The following VWF variants were observed in gnomAD, a reference collection of about 807,000 sequenced individuals.
VWF encodes the protein Factor VIII related antigen.
Under a neutral mutation model 308.6 loss-of-function variants are expected in VWF, and 176 were observed. The ratio of observed to expected loss-of-function variants is 0.57; its 90% confidence interval spans 0.50 to 0.65. The LOEUF is 0.65. Among genes scored for constraint, VWF ranks in the 30% least tolerant of loss-of-function variants. VWF has a pLI of 0.00. For synonymous variants in VWF, 1,385 were observed against 1,443.4 expected, an observed-to-expected ratio of 0.96 and a Z score of 0.92; for missense variants, 3,146 against 3,648.2, an observed-to-expected ratio of 0.86 and a Z score of 3.55.
At chr12:6,013,769 C>T (rs1944024075) in intron 31 of VWF, 124 bp from the exon 32 acceptor site, 1 of 1,092,362 alleles carries the variant, frequency 9.2e-7, no homozygotes, top group Non-Finnish European at 1.4e-6. Flanking sequence ...ATACATCAGC[C>T]CTATGAGGAA....
At chr12:6,051,313 A>T (rs1353951701) in intron 16 of VWF, among the ~76,000 whole-genome samples, 5 of 115,528 alleles carry the variant, frequency 4.3e-5, no homozygotes, top group African/African-American at 1.9e-4. Context: ...TTTTTTTGAG[A>T]TAGAGTCTCG....
Position 5,979,184 on chromosome 12 carries a change from A to C in VWF, c.7287+2602T>G, listed in dbSNP as rs536723567. On this transcript the variant is annotated intron_variant, in intron 42 of 51. Transcript: ENST00000261405. ...ATGAAAACTGGAAAAGAAAAAATCAAGCACTTATTCTACTTTGTCTAAAGT... is the reference window on the plus strand; with the variant it reads ...ATGAAAACTGGAAAAGAAAAAATCACGCACTTATTCTACTTTGTCTAAAGT... Among the ~76,000 whole-genome samples, 3 of 152,374 alleles carry C rather than the reference A, an allele frequency of 2.0e-5. No homozygotes were observed. In the South Asian group the frequency reaches 6.2e-4, roughly 32 times the overall value.
In VWF at chr12:6,025,910, CTGG is replaced by C. The variant is rs368366214; in HGVS notation, c.3101_3103del (p.Thr1034del). 1,458 of 1,613,986 alleles carry C rather than the reference CTGG, an allele frequency of 9.0e-4. 7 individuals are homozygous for C. In the African/African-American group the frequency reaches 0.015, roughly 17 times the overall value. Reference sequence around the variant, plus strand: ...CACACAGAGACCCAGACGTACTTTTCTGGTGTCAGCACACTGCGAGCTCACTTT... The same window carrying C: ...CACACAGAGACCCAGACGTACTTTTCTGTCAGCACACTGCGAGCTCACTTT... On this transcript the variant is annotated inframe_deletion, in exon 23 of 52. Transcript: ENST00000261405.
Position 6,019,721 on chromosome 12 carries a change from T to C in VWF, c.3697A>G (p.Thr1233Ala), listed in dbSNP as rs1327728460. 1 of 1,613,220 alleles carries C rather than the reference T, an allele frequency of 6.2e-7. No homozygotes were observed. Among genetic ancestry groups the C allele is most frequent in the South Asian group, 1.1e-5 (1 of 90,996 alleles). ...CCCGGCTCCTGGCAGGCTTCACAGG[T>C]GAGGTTGACAACATCACAGTGGCTG... Reference protein sequence around the residue: ...QICHCDVVNLTCEACQEPGGL... With the variant: ...QICHCDVVNLACEACQEPGGL... Residue 1233 changes from threonine (T) to alanine (A), a missense_variant, in exon 28 of 52, where the codon ACC (threonine) becomes GCC (alanine). Thr to Ala is a moderately conservative substitution (Grantham distance 58). Transcript: ENST00000261405. The surrounding 1 kb of genome is among the most constrained non-coding windows in gnomAD (Gnocchi z 5.8).
At chr12:5,972,552 A>G (rs1943488542) in intron 43 of VWF, among the ~76,000 whole-genome samples, 1 of 152,238 alleles carries the variant, frequency 6.6e-6, no homozygotes, top group South Asian at 2.1e-4. Context: ...CTGCTCCCCA[A>G]GCACTCTCCC....
intron 47 of VWF, among the ~76,000 whole-genome samples, chr12:5,966,276 T>TACACACAC (rs10657127): frequency 2.0e-5 from 3 of 151,026 alleles, no homozygotes; most frequent in African/African-American, 7.3e-5. Context: ...TGTTACACAA[T>TACACACAC]ACACACACAC....
At chr12:6,033,511 G>A (rs1944295701) in intron 20 of VWF, among the ~76,000 whole-genome samples, 1 of 152,252 alleles carries the variant, frequency 6.6e-6, no homozygotes, top group African/African-American at 2.4e-5. Flanking sequence ...AATGGGCTGG[G>A]CAGTTGTTCT....
Position 5,993,873 on chromosome 12 carries a change from G to A in VWF, c.6587C>T (p.Pro2196Leu). 1 of 1,613,130 alleles carries A rather than the reference G, an allele frequency of 6.2e-7. No individual in the cohort carries two copies. Among genetic ancestry groups the A allele is most frequent in the Non-Finnish European group, 8.5e-7 (1 of 1,179,890 alleles). Residue 2196 changes from proline (P) to leucine (L), a missense_variant, in exon 37 of 52, where the codon CCT becomes CTT. By Grantham distance (98) the Pro-to-Leu change is moderately conservative. This residue lies in a region of VWF where 989 missense variants were observed against 1,117.4 expected (regional missense o/e 0.89). Coordinates refer to ENST00000261405, the MANE Select transcript of VWF (RefSeq NM_000552.5). ...TNGVCVDWRT[P>L]DFCAMSCPPS... ...ACTTGGAGACTCACCACAGAAATCA[G>A]GTGTCCTCCAGTCAACGCAGACCCC...
intron 19 of VWF, among the ~76,000 whole-genome samples, chr12:6,036,002 C>T (rs1264213371): frequency 3.3e-5 from 5 of 152,154 alleles, no homozygotes; most frequent in African/African-American, 1.2e-4. Flanking sequence ...TAAACTTACC[C>T]TCAGGCAACG....
intron 48 of VWF, 41 bp downstream of exon 48, chr12:5,953,455 T>C (rs1353936432): frequency 1.3e-6 from 2 of 1,568,148 alleles, no homozygotes; most frequent in Non-Finnish European, 1.8e-6. Context: ...GGAAGCAAGA[T>C]GGTGATATGT....
In VWF at chr12:6,017,435, G is replaced by A. The variant is rs1944075774; in HGVS notation, c.5054-565C>T. ...ATTACAAGAATTTAAATAAATCTAT[G>A]GCCGTGAATAAAAACAAAAACAAAG... On this transcript the variant is annotated intron_variant, in intron 28 of 51. Transcript: ENST00000261405. Among the ~76,000 whole-genome samples, 3 of 152,322 alleles carry A rather than the reference G, an allele frequency of 2.0e-5. No individual in the cohort carries two copies. The South Asian group carries it at 6.2e-4, about 32-fold the overall frequency.
chr12:6,104,172 A>C (rs1326467811), intron 5 of VWF, among the ~76,000 whole-genome samples: 1 of 152,212 alleles, frequency 6.6e-6, no homozygotes, highest in African/African-American at 2.4e-5. Flanking sequence ...AATGTGAAAA[A>C]AATGGTCAAC....
Position 6,036,345 on chromosome 12 carries a change from C to T in VWF, c.2546+43G>A, listed in dbSNP as rs750412522. The stretch of plus-strand genomic sequence containing the variant: ...TGGCCGCGTGCACCCTCACTCCACC[C>T]GCAGGGCCTGGGTCCCCGGCGCAGC... On this transcript the variant is annotated intron_variant, in intron 19 of 51. Transcript: ENST00000261405. The T allele has an allele frequency of 3.6e-5, 57 of 1,595,256 alleles. No individual in the cohort carries two copies. In the South Asian group the frequency reaches 5.1e-4, roughly 14 times the overall value.
chr12:6,065,936 C>T (rs971235049), intron 10 of VWF, among the ~76,000 whole-genome samples: 2 of 152,236 alleles, frequency 1.3e-5, no homozygotes, highest in Non-Finnish European at 2.9e-5. Flanking sequence ...GGCAAGCCCA[C>T]GCTGTGACTC....
At chr12:6,088,625 G>A (rs1398293054) in intron 6 of VWF, among the ~76,000 whole-genome samples, 1 of 152,172 alleles carries the variant, frequency 6.6e-6, no homozygotes. Context: ...ACAAAGCCAA[G>A]ATCCCTTTGT....
At chr12:6,035,228 G>A (rs1258800536) in intron 19 of VWF, among the ~76,000 whole-genome samples, 1 of 152,214 alleles carries the variant, frequency 6.6e-6, no homozygotes, top group Non-Finnish European at 1.5e-5. Flanking sequence ...GAAAGCCTGA[G>A]GCTAATGGGA....
Position 6,018,412 on chromosome 12 carries a change from C to G in VWF, c.5006G>C (p.Cys1669Ser). The change falls in exon 28 of 52, where the codon TGC (cysteine) becomes TCC (serine). Residue 1669 changes from cysteine (C) to serine (S), a missense_variant. By Grantham distance (112) the Cys-to-Ser change is moderately radical. Coordinates refer to ENST00000261405, the MANE Select transcript of VWF (RefSeq NM_000552.5). ...GATCTGCAGCCCCTCTCCGGAGCAGCACCTCTGCAGCACCAGGTCAGGAGC... is the reference window on the plus strand; with the variant it reads ...GATCTGCAGCCCCTCTCCGGAGCAGGACCTCTGCAGCACCAGGTCAGGAGC... ...REAPDLVLQR[C>S]CSGEGLQIPT... 6.2e-7 allele frequency: 1 copy of G among 1,612,552 alleles called. No individual in the cohort carries two copies. Among genetic ancestry groups the G allele is most frequent in the Non-Finnish European group, 8.5e-7 (1 of 1,179,454 alleles).
At chr12:5,953,931 T>C in intron 47 of VWF, 1 of 267,288 alleles carries the variant, frequency 3.7e-6, no homozygotes, top group Non-Finnish European at 7.2e-6. Flanking sequence ...TTGATTTTTG[T>C]CCCAAATCTC....
chr12:6,109,628 G>A (rs1945282561), intron 5 of VWF, among the ~76,000 whole-genome samples: 1 of 152,146 alleles, frequency 6.6e-6, no homozygotes, highest in Non-Finnish European at 1.5e-5. Flanking sequence ...TGAAATTAAA[G>A]AAGATTGAAA....
Sources: allele counts gnomAD v4.1 joint callset (sites outside exome capture counted in the v4.1 genomes callset), GRCh38; gene constraint gnomAD v4.1.1; regional missense constraint gnomAD v4.1.1; non-coding constraint Gnocchi (gnomAD v3.1); transcripts MANE v1.5; gene names NCBI Gene and HGNC (gene_info 2026-07-23, HGNC 2026-07-21).